REL: variants seen among roughly 807,000 people sequenced by gnomAD.
The protein encoded by REL is proto-oncogene c-Rel.
REL carries 15 observed loss-of-function variants against 45.9 expected under a neutral mutation model. The observed-to-expected ratio is 0.33, with a 90% CI of 0.22 to 0.50. The LOEUF is 0.50. Among genes scored for constraint, REL ranks in the 20% least tolerant of loss-of-function variants. The pLI, the probability that REL is intolerant of heterozygous loss-of-function variation, is 0.98. For missense variants in REL, 601 were observed against 715.2 expected (o/e 0.84, Z 1.82); for synonymous variants, 239 against 242.1 (o/e 0.99, Z 0.12).
chr2:60,885,449 C>T (rs558199216), intron 1 of REL, among the ~76,000 whole-genome samples: 1 of 151,946 alleles, frequency 6.6e-6, no homozygotes, highest in African/African-American at 2.4e-5. Flanking sequence ...TACCTTTTTT[C>T]CCCCTTGGTA....
At chr2:60,896,774 T>C (rs1673362051) in intron 3 of REL, among the ~76,000 whole-genome samples, 1 of 152,238 alleles carries the variant, frequency 6.6e-6, no homozygotes, top group African/African-American at 2.4e-5. Flanking sequence ...CCTGCTTTTC[T>C]GGCTGTTCTT....
intron 2 of REL, among the ~76,000 whole-genome samples, chr2:60,893,467 T>A (rs1381766216): frequency 6.6e-6 from 1 of 152,212 alleles, no homozygotes; most frequent in Non-Finnish European, 1.5e-5. Context: ...GAGTCATTTT[T>A]AAACTTTTCT....
chr2:60,931,438 T>C lies in REL; in HGVS notation c.*8903T>C, dbSNP rs1358312151. On this transcript the variant is annotated 3_prime_UTR_variant, in exon 10 of 10. Coordinates refer to ENST00000394479, the MANE Select transcript of REL (RefSeq NM_001291746.2). ...AATTTGGAGGCACTGATGAAAGTGA[T>C]TTTTTTAAAGTTCTCAGGTACTGTT... is the stretch of plus-strand genomic sequence containing the variant. The C allele has an allele frequency of 1.3e-5, 2 of 152,332 alleles. No homozygotes were observed. The highest frequency in any genetic ancestry group is 3.7e-4 in the East Asian group (2 of 5,340). 9.4% of individuals were successfully genotyped at this position (152,332 alleles called of 1,614,324 possible). A position where few individuals can be genotyped will look rare whatever the true frequency, so the allele number is the denominator to read the frequency against.
In REL at chr2:60,918,521, C is replaced by T. The variant is rs762077937; in HGVS notation, c.768C>T (p.Pro256=). 2.0e-5 allele frequency: 32 copies of T among 1,613,878 alleles called. No homozygotes were observed. Among genetic ancestry groups the T allele is most frequent in the Admixed American group, 1.8e-4 (11 of 59,998 alleles). The change falls in exon 7 of 10, where the codon CCC becomes CCT. Residue 256 remains proline (P), a synonymous_variant. Coordinates refer to ENST00000394479, the MANE Select transcript of REL (RefSeq NM_001291746.2). ...TPPYCKAITE[P]VTVKMQLRRP... ...CATATTGCAAAGCTATCACAGAACC[C>T]GTAACAGTAAAAATGCAGTTGCGGA...
At chr2:60,907,659 A>G (rs910936833) in intron 4 of REL, among the ~76,000 whole-genome samples, 1 of 152,092 alleles carries the variant, frequency 6.6e-6, no homozygotes, top group African/African-American at 2.4e-5. Flanking sequence ...AAAACGGTTG[A>G]AAGAATAAAT....
chr2:60,897,932 C>T (rs887764603), intron 3 of REL, among the ~76,000 whole-genome samples: 8 of 151,272 alleles, frequency 5.3e-5, no homozygotes, highest in African/African-American at 1.5e-4. Context: ...GATCATATCT[C>T]TTTCCCCTCA....
chr2:60,905,372 GCA>G (rs1673615462), intron 4 of REL, among the ~76,000 whole-genome samples: 1 of 152,148 alleles, frequency 6.6e-6, no homozygotes, highest in Non-Finnish European at 1.5e-5. Flanking sequence ...GGGATTACAG[GCA>G]TGAGCCACCA....
intron 4 of REL, among the ~76,000 whole-genome samples, chr2:60,903,866 C>A (rs549920348): frequency 6.6e-6 from 1 of 151,890 alleles, no homozygotes; most frequent in South Asian, 2.1e-4. Flanking sequence ...TGGGTTTTGC[C>A]ATATTCTCCA....
intron 1 of REL, among the ~76,000 whole-genome samples, chr2:60,883,170 T>A (rs1429056423): frequency 6.6e-6 from 1 of 152,124 alleles, no homozygotes; most frequent in Non-Finnish European, 1.5e-5. Flanking sequence ...GGGGGCCCCG[T>A]TTATGAACTT....
Position 60,914,066 on chromosome 2 carries a change from T to G in REL, c.395-2811T>G, listed in dbSNP as rs1476634502. Among the ~76,000 whole-genome samples, 3 of 152,344 alleles carry G rather than the reference T, an allele frequency of 2.0e-5. No homozygotes were observed. In the East Asian group the frequency reaches 5.8e-4, roughly 29 times the overall value. On this transcript the variant is annotated intron_variant, in intron 4 of 9. Coordinates refer to ENST00000394479, the MANE Select transcript of REL (RefSeq NM_001291746.2). The stretch of plus-strand genomic sequence containing the variant: ...TCCCTTCTGACTTCATTTGAAACTT[T>G]GTCTAATAGGATAGAAGAGGCATAC...
chr2:60,909,609 A>G (rs1214382184), intron 4 of REL, among the ~76,000 whole-genome samples: 2 of 152,172 alleles, frequency 1.3e-5, no homozygotes, highest in Non-Finnish European at 2.9e-5. Flanking sequence ...AGTTCTTAAA[A>G]TTGTTATTCC....
At chr2:60,887,659 A>G (rs1360717551) in intron 1 of REL, among the ~76,000 whole-genome samples, 3 of 150,168 alleles carry the variant, frequency 2.0e-5, no homozygotes, top group East Asian at 2.1e-4. Context: ...AATGTAGAGT[A>G]TTACAGTATA....
At chr2:60,913,614 C>T (rs1673879524) in intron 4 of REL, among the ~76,000 whole-genome samples, 1 of 152,124 alleles carries the variant, frequency 6.6e-6, no homozygotes, top group African/African-American at 2.4e-5. Flanking sequence ...TTTATTTTTT[C>T]CCTATAGTTT....
rs1253930248 is a variant in REL at position 60,922,269 on chromosome 2, G to A, written c.1498G>A (p.Asp500Asn). The change falls in exon 10 of 10, where the codon GAC becomes AAC. Residue 500 changes from aspartate to asparagine, a missense_variant. Coordinates refer to ENST00000394479, the MANE Select transcript of REL (RefSeq NM_001291746.2). ...PSCNSVLDPR[D>N]LRQLHQMSSS... ...ATGTAATTCAGTGTTAGACCCAAGA[G>A]ACTTGAGACAGCTCCATCAGATGTC... The A allele has an allele frequency of 6.2e-7, 1 of 1,614,034 alleles. No individual in the cohort carries two copies. Among genetic ancestry groups the A allele is most frequent in the Admixed American group, 1.7e-5 (1 of 60,002 alleles).
At chr2:60,895,720 A>G (rs1038280305) in intron 3 of REL, among the ~76,000 whole-genome samples, 1 of 152,250 alleles carries the variant, frequency 6.6e-6, no homozygotes, top group African/African-American at 2.4e-5. Context: ...AAAAGCCTGA[A>G]AAATATTAAT....
At chr2:60,916,249 C>T (rs1476355867) in intron 4 of REL, among the ~76,000 whole-genome samples, 1 of 151,946 alleles carries the variant, frequency 6.6e-6, no homozygotes, top group Admixed American at 6.5e-5. Flanking sequence ...CCCATCTCTA[C>T]AAAAAAATAG....
In REL at chr2:60,918,900, TC is replaced by T. The variant is rs1458409303; in HGVS notation, c.853+295del. ...CCTCCTCCCGGGTTCAAGCGATTCTTCTGCCTCAGCCTCCTGAGTAGCTGGG... is the reference window on the plus strand; with the variant it reads ...CCTCCTCCCGGGTTCAAGCGATTCTTTGCCTCAGCCTCCTGAGTAGCTGGG... On this transcript the variant is annotated intron_variant, in intron 7 of 9. Transcript: ENST00000394479. Among the ~76,000 whole-genome samples the T allele has an allele frequency of 2.0e-5, 3 of 152,044 alleles. No homozygotes were observed. The East Asian group carries it at 5.8e-4, about 29-fold the overall frequency.
chr2:60,882,616 A>C (rs1187558108), intron 1 of REL, among the ~76,000 whole-genome samples: 1 of 152,058 alleles, frequency 6.6e-6, no homozygotes, highest in South Asian at 2.1e-4. Flanking sequence ...TGGAGGTTGC[A>C]GTGAGCCGAG....
At chr2:60,891,858 A>G (rs1231845243) in intron 2 of REL, 33 bp downstream of exon 2, 66 of 1,563,008 alleles carry the variant, frequency 4.2e-5, no homozygotes, top group Non-Finnish European at 5.4e-5. Context: ...CTATCTCACT[A>G]TTAGTTGCTT....
Sources: gnomAD v4.1 joint callset for allele counts (sites outside exome capture counted in the v4.1 genomes callset) on GRCh38, gnomAD v4.1.1 for gene constraint, MANE v1.5 for transcripts, NCBI Gene and HGNC (gene_info 2026-07-23, HGNC 2026-07-21) for gene names.